Variants in DTNA observed in about 807,000 individuals in gnomAD.
The protein encoded by DTNA is dystrophin-related protein 3.
A neutral mutation model predicts 100.7 loss-of-function variants in DTNA; 43 were observed. The observed-to-expected ratio is 0.43, with a 90% CI of 0.33 to 0.55. DTNA has a LOEUF of 0.55. Among genes scored for constraint, DTNA ranks in the 20% least tolerant of loss-of-function variants. DTNA has a pLI of 0.04. For missense variants in DTNA, 798 were observed against 953.9 expected (o/e 0.84, Z 2.15); for synonymous variants, 349 against 347.9 (o/e 1.00, Z -0.04).
rs957552929 is a variant in DTNA, at chr18:34,602,918, G to A, written c.-2+109404G>A. Among the ~76,000 whole-genome samples, 5 of 151,778 alleles carry A rather than the reference G, an allele frequency of 3.3e-5. No homozygotes were observed. In the East Asian group the frequency reaches 7.7e-4, roughly 23 times the overall value. On this transcript the variant is annotated intron_variant, in intron 1 of 19. Coordinates refer to the DTNA transcript ENST00000283365. ...CTGAGGAGACTGAGGCAGGAGAATC[G>A]CCTGAACCGGTGAGGCAGAGGTTGC...
At chr18:34,777,461 G>T (rs2094118010) in intron 3 of DTNA, among the ~76,000 whole-genome samples, 1 of 152,130 alleles carries the variant, frequency 6.6e-6, no homozygotes, top group Admixed American at 6.5e-5. Context: ...TATCTTCTGG[G>T]TTTACCCCAA....
chr18:34,770,556 G>A (rs186774873), intron 3 of DTNA, among the ~76,000 whole-genome samples: 2 of 152,024 alleles, frequency 1.3e-5, no homozygotes, highest in African/African-American at 2.4e-5. Context: ...ATTTTCTTCT[G>A]TTCAATTCCT....
At chr18:34,657,617 G>T in intron 1 of DTNA, among the ~76,000 whole-genome samples, 1 of 152,102 alleles carries the variant, frequency 6.6e-6, no homozygotes, top group Middle Eastern at 3.4e-3. Context: ...AACTTTAAAT[G>T]GATACACTAA....
chr18:34,827,775 T>C, intron 10 of DTNA, 99 bp downstream of exon 10: 1 of 1,210,426 alleles, frequency 8.3e-7, no homozygotes, highest in Non-Finnish European at 1.2e-6. Context: ...GGGCAGAATA[T>C]TGTTACTAGA....
intron 7 of DTNA, among the ~76,000 whole-genome samples, chr18:34,816,424 T>C (rs1247184234): frequency 6.6e-6 from 1 of 152,218 alleles, no homozygotes. Context: ...AAATAGATGA[T>C]AGCACCCTGT....
At chr18:34,516,201 G>T (rs939613962) in intron 1 of DTNA, among the ~76,000 whole-genome samples, 1 of 152,064 alleles carries the variant, frequency 6.6e-6, no homozygotes, top group Non-Finnish European at 1.5e-5. Flanking sequence ...ATCACATATC[G>T]GCAGGTTCCA....
intron 5 of DTNA, among the ~76,000 whole-genome samples, chr18:34,811,479 A>G (rs1347704793): frequency 6.6e-6 from 1 of 152,202 alleles, no homozygotes; most frequent in Non-Finnish European, 1.5e-5. Context: ...TTGATTTTCA[A>G]ATATCTTACA....
intron 1 of DTNA, among the ~76,000 whole-genome samples, chr18:34,634,590 C>A (rs1352354589): frequency 1.3e-5 from 2 of 152,126 alleles, no homozygotes; most frequent in African/African-American, 4.8e-5. Context: ...AATCCAGTCT[C>A]ACACATATAT....
At chr18:34,842,385 A>T (rs2096284199) in intron 13 of DTNA, among the ~76,000 whole-genome samples, 1 of 152,188 alleles carries the variant, frequency 6.6e-6, no homozygotes, top group Non-Finnish European at 1.5e-5. Flanking sequence ...ACATCTAAGA[A>T]TGCCTATTTC....
chr18:34,770,948 A>G (rs2093736477), intron 3 of DTNA, among the ~76,000 whole-genome samples: 1 of 151,874 alleles, frequency 6.6e-6, no homozygotes, highest in Non-Finnish European at 1.5e-5. Context: ...ACGCCCGGCT[A>G]ATTTTGTGTT....
At chr18:34,688,469 C>A (rs2079232571) in intron 1 of DTNA, among the ~76,000 whole-genome samples, 1 of 152,100 alleles carries the variant, frequency 6.6e-6, no homozygotes, top group African/African-American at 2.4e-5. Flanking sequence ...GAATATTGGC[C>A]CCCACTCTCT....
At chr18:34,530,746 A>C (rs116024346) in intron 1 of DTNA, among the ~76,000 whole-genome samples, 2,419 of 152,214 alleles carry the variant, frequency 0.016, 49 homozygotes, top group African/African-American at 0.045. Flanking sequence ...GCTTGAAGTC[A>C]CACTAAATAG....
chr18:34,712,059 C>CTATT (rs1600633568), intron 1 of DTNA, among the ~76,000 whole-genome samples: 2 of 151,862 alleles, frequency 1.3e-5, no homozygotes, highest in East Asian at 3.9e-4. Flanking sequence ...ACCTGGTAAA[C>CTATT]TATTCTAAAG....
At position 34,881,474 on chromosome 18, in the gene DTNA, C is replaced by T. The variant is rs183729373; in HGVS notation, c.2163-595C>T. On this transcript the variant is annotated intron_variant, in intron 20 of 22. Coordinates refer to ENST00000444659, the MANE Select transcript of DTNA (RefSeq NM_001386795.1). Reference sequence around the variant, plus strand: ...TTTTTTTTTTTTTTCAGATTTAGAGCTAAGGTCAAGAGTTATGGGTTAGTA... The same window carrying T: ...TTTTTTTTTTTTTTCAGATTTAGAGTTAAGGTCAAGAGTTATGGGTTAGTA... 3.0e-3 allele frequency among the ~76,000 whole-genome samples: 302 copies of T among 100,288 alleles called. 1 individual carries two copies. Among genetic ancestry groups the T allele is most frequent in the African/African-American group, 0.013 (296 of 23,174 alleles). 65.8% of individuals were successfully genotyped at this position (100,288 alleles called of 152,430 possible).
At chr18:34,627,267 C>T (rs1401506959) in intron 1 of DTNA, among the ~76,000 whole-genome samples, 1 of 152,050 alleles carries the variant, frequency 6.6e-6, no homozygotes, top group African/African-American at 2.4e-5. Context: ...ACAAATTTAC[C>T]CTTGAAGCCA....
chr18:34,721,631 AACTTAT>A (rs1336353107), intron 1 of DTNA, among the ~76,000 whole-genome samples: 3 of 152,254 alleles, frequency 2.0e-5, no homozygotes, highest in Non-Finnish European at 4.4e-5. Flanking sequence ...CAAGGCAGAC[AACTTAT>A]ACTTAGGCAA....
At chr18:34,605,604 T>G (rs2147318564) in intron 1 of DTNA, among the ~76,000 whole-genome samples, 1 of 151,192 alleles carries the variant, frequency 6.6e-6, no homozygotes, top group South Asian at 2.1e-4. Context: ...AACAGATTTC[T>G]TATGCAAACC....
At chr18:34,863,509 G>A (rs1314048788) in intron 16 of DTNA, among the ~76,000 whole-genome samples, 1 of 124,580 alleles carries the variant, frequency 8.0e-6, no homozygotes, top group Non-Finnish European at 1.6e-5. Flanking sequence ...GATTTCAAAT[G>A]TACTTTTCTA....
At chr18:34,573,812 C>G (rs1239659804) in intron 1 of DTNA, among the ~76,000 whole-genome samples, 3 of 152,214 alleles carry the variant, frequency 2.0e-5, no homozygotes, top group African/African-American at 4.8e-5. Context: ...TTCCTCCTGC[C>G]TAGCTAAAAT....
Sources: gnomAD v4.1 joint callset for allele counts (sites outside exome capture counted in the v4.1 genomes callset) on GRCh38, gnomAD v4.1.1 for gene constraint, MANE v1.5 for transcripts, NCBI Gene and HGNC (gene_info 2026-07-23, HGNC 2026-07-21) for gene names.